Variants in THSD7A observed in about 807,000 individuals in gnomAD.
THSD7A encodes the protein thrombospondin type 1 domain containing 7A, also known as thrombospondin type-1 domain-containing protein 7A.
THSD7A carries 96 observed loss-of-function variants against 231.3 expected under a neutral mutation model. That is an observed-to-expected ratio of 0.41 (90% CI 0.35 to 0.49). The LOEUF (loss-of-function observed/expected upper bound fraction) is 0.49. Ranked by LOEUF, THSD7A falls within the 20% of genes least tolerant of loss-of-function variation. The probability of loss-of-function intolerance (pLI) is 0.05; values close to 1 mark genes in which losing one functional copy is unlikely to be tolerated. For synonymous variants in THSD7A, 940 were observed against 743.3 expected (o/e 1.26, Z -4.30); for missense variants, 2,290 against 2,070.2 (o/e 1.11, Z -2.06).
chr7:11,552,137 A>G (rs756213255), intron 4 of THSD7A, among the ~76,000 whole-genome samples: 1 of 152,076 alleles, frequency 6.6e-6, no homozygotes, highest in Non-Finnish European at 1.5e-5. Flanking sequence ...AGTAGGGAAA[A>G]ACAGACATCA....
chr7:11,406,332 A>C lies in THSD7A; in HGVS notation c.4205T>G (p.Val1402Gly), dbSNP rs1308860004. 2 of 1,613,154 alleles carry C rather than the reference A, an allele frequency of 1.2e-6. No homozygotes were observed. Among genetic ancestry groups the C allele is most frequent in the Admixed American group, 1.7e-5 (1 of 59,890 alleles). ...ELIIDGNKNMVLEESCSQPCP... is the reference protein window; with the variant it reads ...ELIIDGNKNMGLEESCSQPCP... ...AGGCTGGCTGCAGGATTCCTCCAGA[A>C]CCATATTTTTATTACCATCTATAAT... Residue 1402 changes from valine (V) to glycine (G), a missense_variant, in exon 22 of 28, where the codon GTT becomes GGT. Physicochemically the swap from Val to Gly is moderately radical, Grantham distance 109. Transcript: ENST00000423059. The surrounding 1 kb of genome is among the most constrained non-coding windows in gnomAD (Gnocchi z 4.7).
At chr7:11,594,649 G>T (rs921177224) in intron 2 of THSD7A, among the ~76,000 whole-genome samples, 6 of 152,132 alleles carry the variant, frequency 3.9e-5, no homozygotes, top group African/African-American at 4.8e-5. Flanking sequence ...TTGCTCCTAA[G>T]TTCAATGGAA....
chr7:11,532,345 C>T (rs924214819), intron 6 of THSD7A, among the ~76,000 whole-genome samples: 9 of 152,042 alleles, frequency 5.9e-5, no homozygotes, highest in African/African-American at 1.7e-4. Flanking sequence ...ATGTAGTATA[C>T]GTAGCTGGTA....
intron 23 of THSD7A, among the ~76,000 whole-genome samples, chr7:11,387,208 C>G (rs1171449443): frequency 6.6e-6 from 1 of 151,978 alleles, no homozygotes; most frequent in African/African-American, 2.4e-5. Flanking sequence ...TTTTTTTGTT[C>G]CAGATGAAAC....
intron 22 of THSD7A, among the ~76,000 whole-genome samples, chr7:11,405,476 A>G (rs1783552243): frequency 6.6e-6 from 1 of 152,162 alleles, no homozygotes. Context: ...AAATACAGGT[A>G]ATTCATTTTC....
intron 1 of THSD7A, chr7:11,821,265 C>G: frequency 9.3e-7 from 1 of 1,073,868 alleles, no homozygotes; most frequent in Non-Finnish European, 1.4e-6. Context: ...ACTGAGCTGA[C>G]TGTATGTGCT....
chr7:11,644,064 C>T (rs2128364975), intron 1 of THSD7A, among the ~76,000 whole-genome samples: 1 of 144,438 alleles, frequency 6.9e-6, no homozygotes, highest in South Asian at 2.2e-4. Flanking sequence ...AAAAAAAAAA[C>T]CTTAATTCCT....
At chr7:11,783,968 C>T (rs1783709243) in intron 1 of THSD7A, among the ~76,000 whole-genome samples, 2 of 151,932 alleles carry the variant, frequency 1.3e-5, no homozygotes, top group South Asian at 2.1e-4. Flanking sequence ...CACTTATTAC[C>T]TGTTAATTTT....
Position 11,529,607 on chromosome 7 carries a change from T to TCC in THSD7A, c.1822+11811_1822+11812insGG, listed in dbSNP as rs1165064838. 9.3e-5 allele frequency among the ~76,000 whole-genome samples: 5 copies of TCC among 53,696 alleles called. No individual in the cohort carries two copies. In the African/African-American group the frequency reaches 1.1e-3, roughly 12 times the overall value. 35.2% of individuals were successfully genotyped at this position (53,696 alleles called of 152,430 possible). ...GTGTTTGGCAGTTCCCCCTTTGCTC[T>TCC]CTCTCTCTCTCGCTGCCATATAAGG... On this transcript the variant is annotated intron_variant, in intron 6 of 27. Transcript: ENST00000423059.
At chr7:11,505,784 A>G (rs1409856321) in intron 6 of THSD7A, among the ~76,000 whole-genome samples, 2 of 152,200 alleles carry the variant, frequency 1.3e-5, no homozygotes, top group Non-Finnish European at 1.5e-5. Context: ...GAAGCATGCC[A>G]AACGACTGCC....
intron 2 of THSD7A, among the ~76,000 whole-genome samples, chr7:11,628,950 G>C (rs1217174221): frequency 6.6e-6 from 1 of 152,150 alleles, no homozygotes; most frequent in Non-Finnish European, 1.5e-5. Flanking sequence ...ATAGCATCTT[G>C]CAGCTATTAA....
intron 6 of THSD7A, among the ~76,000 whole-genome samples, chr7:11,483,536 A>T (rs75086238): frequency 0.065 from 9,896 of 152,228 alleles, 427 homozygotes; most frequent in Admixed American, 0.092. Context: ...TATCCCAATT[A>T]AAAAAATGTA....
At chr7:11,684,709 C>T (rs749977332) in intron 1 of THSD7A, among the ~76,000 whole-genome samples, 8 of 151,802 alleles carry the variant, frequency 5.3e-5, no homozygotes, top group African/African-American at 9.7e-5. Context: ...GACTACCAAA[C>T]ACGGCTGAAA....
intron 1 of THSD7A, among the ~76,000 whole-genome samples, chr7:11,693,216 G>A (rs563714026): frequency 1.8e-4 from 28 of 151,626 alleles, no homozygotes; most frequent in African/African-American, 6.8e-4. Flanking sequence ...AATTTACCAT[G>A]TAAGAAACAT....
At position 11,461,868 on chromosome 7, in the gene THSD7A, AT is replaced by A. The variant is rs1181069672; in HGVS notation, c.2501+142del. The stretch of plus-strand genomic sequence containing the variant: ...CAGCAGCTCTGCTGAAGAGACAAGA[AT>A]GGCAGCTACAGCCATAAACATCCCA... On this transcript the variant is annotated intron_variant, in intron 10 of 27. Transcript: ENST00000423059. 3 of 1,049,198 alleles carry A rather than the reference AT, an allele frequency of 2.9e-6. No homozygotes were observed. The Admixed American group carries it at 6.9e-5, about 24-fold the overall frequency. The allele number at this position is 1,049,198 out of a possible 1,614,324, so 65.0% of individuals were successfully genotyped here. A position where few individuals can be genotyped will look rare whatever the true frequency, so the allele number is the denominator to read the frequency against.
intron 1 of THSD7A, among the ~76,000 whole-genome samples, chr7:11,788,291 TGATA>T (rs1783850386): frequency 6.6e-6 from 1 of 152,088 alleles, no homozygotes; most frequent in Admixed American, 6.6e-5. Flanking sequence ...AGTAGAAATT[TGATA>T]GTTACTCTCC....
At chr7:11,484,355 C>T (rs1786558112) in intron 6 of THSD7A, among the ~76,000 whole-genome samples, 1 of 152,068 alleles carries the variant, frequency 6.6e-6, no homozygotes, top group African/African-American at 2.4e-5. Context: ...AGCAGTTTTG[C>T]ACTTTCTCTT....
chr7:11,471,585 G>A (rs1243138734), intron 8 of THSD7A, among the ~76,000 whole-genome samples: 6 of 151,868 alleles, frequency 4.0e-5, no homozygotes, highest in Admixed American at 3.3e-4. Flanking sequence ...AAACCCCAGT[G>A]TTTATTTGGA....
intron 4 of THSD7A, among the ~76,000 whole-genome samples, chr7:11,574,445 T>G (rs1790791438): frequency 6.6e-6 from 1 of 151,518 alleles, no homozygotes; most frequent in Non-Finnish European, 1.5e-5. Flanking sequence ...ACTTTTTTTT[T>G]TTTTTTTGAG....
Sources: gnomAD v4.1 joint callset for allele counts (sites outside exome capture counted in the v4.1 genomes callset) on GRCh38, gnomAD v4.1.1 for gene constraint, Gnocchi (gnomAD v3.1) non-coding constraint, MANE v1.5 for transcripts, NCBI Gene and HGNC (gene_info 2026-07-23, HGNC 2026-07-21) for gene names.